Variants in SNTG1 observed in about 807,000 individuals in gnomAD.
SNTG1 encodes syntrophin gamma 1.
In SNTG1, 39 loss-of-function variants were observed where a neutral mutation model predicts 74.7. That is an observed-to-expected ratio of 0.52 (90% CI 0.40 to 0.68). The LOEUF is 0.68. Ranked by LOEUF, SNTG1 falls within the 30% of genes least tolerant of loss-of-function variation. SNTG1 has a pLI of 0.00. For missense variants in SNTG1, 685 were observed against 609.5 expected, an observed-to-expected ratio of 1.12 and a Z score of -1.30; for synonymous variants, 254 against 217.1, an observed-to-expected ratio of 1.17 and a Z score of -1.49.
intron 8 of SNTG1, among the ~76,000 whole-genome samples, chr8:50,471,594 G>C (rs545410132): frequency 5.9e-5 from 9 of 152,216 alleles, no homozygotes; most frequent in East Asian, 5.8e-4. Flanking sequence ...AGCATACAAT[G>C]CCACATGCCC....
intron 2 of SNTG1, among the ~76,000 whole-genome samples, chr8:50,181,615 C>G (rs2083208459): frequency 6.6e-6 from 1 of 152,042 alleles, no homozygotes; most frequent in Non-Finnish European, 1.5e-5. Flanking sequence ...GAAAATAACA[C>G]TAGTATAATG....
chr8:49,914,694 A>C (rs1029598912), intron 1 of SNTG1, among the ~76,000 whole-genome samples: 1 of 152,198 alleles, frequency 6.6e-6, no homozygotes, highest in Non-Finnish European at 1.5e-5. Flanking sequence ...ATCAAGTTCA[A>C]ACATTTATCA....
intron 2 of SNTG1, among the ~76,000 whole-genome samples, chr8:50,392,974 T>A (rs1237567504): frequency 6.6e-6 from 1 of 152,128 alleles, no homozygotes; most frequent in Non-Finnish European, 1.5e-5. Flanking sequence ...ATATAATCAA[T>A]ACATATCAAA....
At chr8:50,470,486 C>T (rs1039989311) in intron 8 of SNTG1, among the ~76,000 whole-genome samples, 3 of 151,952 alleles carry the variant, frequency 2.0e-5, no homozygotes, top group Admixed American at 6.6e-5. Flanking sequence ...ATGGTCTTCC[C>T]GACTTCAGGA....
intron 2 of SNTG1, among the ~76,000 whole-genome samples, chr8:50,191,047 C>T (rs998911521): frequency 6.6e-6 from 1 of 152,178 alleles, no homozygotes; most frequent in East Asian, 1.9e-4. Context: ...CTTCTTTTTA[C>T]ATTTTACCAT....
chr8:50,104,746 G>T (rs900506801), intron 1 of SNTG1, among the ~76,000 whole-genome samples: 1 of 152,174 alleles, frequency 6.6e-6, no homozygotes, highest in Non-Finnish European at 1.5e-5. Flanking sequence ...GTGTCCCACA[G>T]ATTCTGGTAT....
intron 2 of SNTG1, among the ~76,000 whole-genome samples, chr8:50,390,961 A>T (rs2092649580): frequency 6.7e-6 from 1 of 150,208 alleles, no homozygotes; most frequent in Non-Finnish European, 1.5e-5. Flanking sequence ...CAGCTTCAGG[A>T]GATTTTGGGC....
At chr8:50,672,877 A>G (rs1346424710) in intron 15 of SNTG1, among the ~76,000 whole-genome samples, 1 of 152,148 alleles carries the variant, frequency 6.6e-6, no homozygotes, top group Non-Finnish European at 1.5e-5. Flanking sequence ...GGTGTAAGGA[A>G]GTAGTCCAGT....
At chr8:50,106,643 AT>A (rs1048217989) in intron 1 of SNTG1, among the ~76,000 whole-genome samples, 13 of 152,058 alleles carry the variant, frequency 8.5e-5, no homozygotes, top group South Asian at 2.1e-4. Flanking sequence ...TATCAAAAGT[AT>A]TTTCTGCATC....
At chr8:50,204,288 C>T (rs1461250380) in intron 2 of SNTG1, among the ~76,000 whole-genome samples, 1 of 152,044 alleles carries the variant, frequency 6.6e-6, no homozygotes, top group Non-Finnish European at 1.5e-5. Flanking sequence ...ATGTATAGTA[C>T]ATATCTTTTT....
At chr8:50,229,801 G>A (rs1013770901) in intron 2 of SNTG1, among the ~76,000 whole-genome samples, 4 of 151,242 alleles carry the variant, frequency 2.6e-5, no homozygotes, top group African/African-American at 9.7e-5. Context: ...AGCTTATGTC[G>A]AACATTCATG....
chr8:50,709,872 T>C (rs2095456854), intron 17 of SNTG1, among the ~76,000 whole-genome samples: 1 of 152,230 alleles, frequency 6.6e-6, no homozygotes, highest in African/African-American at 2.4e-5. Flanking sequence ...TCACTAATTT[T>C]AAGGATTCAT....
intron 17 of SNTG1, among the ~76,000 whole-genome samples, chr8:50,739,518 A>T (rs1563797135): frequency 6.6e-6 from 1 of 152,054 alleles, no homozygotes; most frequent in Non-Finnish European, 1.5e-5. Context: ...TTCCTCAAAG[A>T]TCTAGAACCA....
chr8:50,572,287 G>T (rs1025825480), intron 12 of SNTG1, among the ~76,000 whole-genome samples: 3 of 150,872 alleles, frequency 2.0e-5, no homozygotes, highest in Admixed American at 6.6e-5. Context: ...GAGAGAGAGA[G>T]AGAGAGAGTC....
At chr8:50,202,225 CT>C (rs2131846674) in intron 2 of SNTG1, among the ~76,000 whole-genome samples, 1 of 152,152 alleles carries the variant, frequency 6.6e-6, no homozygotes, top group African/African-American at 2.4e-5. Flanking sequence ...TTAATTTTCA[CT>C]TTATGTTCTG....
At chr8:50,645,510 C>T (rs1222233806) in intron 13 of SNTG1, among the ~76,000 whole-genome samples, 3 of 151,732 alleles carry the variant, frequency 2.0e-5, no homozygotes, top group African/African-American at 7.3e-5. Flanking sequence ...TTCTTATCTC[C>T]TTGTGTGGCT....
intron 13 of SNTG1, among the ~76,000 whole-genome samples, chr8:50,610,956 C>T (rs1052416119): frequency 1.4e-5 from 2 of 144,556 alleles, no homozygotes; most frequent in East Asian, 2.0e-4. Flanking sequence ...CACTTCATGA[C>T]ACTGGTAGAT....
chr8:50,210,972 C>T (rs1199395508), intron 2 of SNTG1, among the ~76,000 whole-genome samples: 1 of 152,060 alleles, frequency 6.6e-6, no homozygotes, highest in East Asian at 1.9e-4. Flanking sequence ...GCAAAATACC[C>T]CTGCAATGAG....
chr8:50,731,873 G>C (rs779343563), intron 17 of SNTG1, among the ~76,000 whole-genome samples: 1 of 151,958 alleles, frequency 6.6e-6, no homozygotes, highest in Non-Finnish European at 1.5e-5. Flanking sequence ...CAATAATTTT[G>C]ACTTAGGTTA....
Sources: allele counts gnomAD v4.1 joint callset (sites outside exome capture counted in the v4.1 genomes callset), GRCh38; gene constraint gnomAD v4.1.1; transcripts MANE v1.5; gene names NCBI Gene and HGNC (gene_info 2026-07-23, HGNC 2026-07-21).